ALK: variants seen among roughly 807,000 people sequenced by gnomAD.
ALK encodes ALK tyrosine kinase receptor.
ALK carries 74 observed loss-of-function variants against 163.1 expected under a neutral mutation model. The ratio of observed to expected loss-of-function variants is 0.45; its 90% confidence interval spans 0.38 to 0.55. The LOEUF is 0.55. Ranked by LOEUF, ALK falls within the 20% of genes least tolerant of loss-of-function variation. The pLI, the probability that ALK is intolerant of heterozygous loss-of-function variation, is 0.00. For synonymous variants in ALK, 960 were observed against 843.2 expected, an observed-to-expected ratio of 1.14 and a Z score of -2.40; for missense variants, 2,063 against 2,105.3, an observed-to-expected ratio of 0.98 and a Z score of 0.39.
chr2:29,223,967 G>A, intron 19 of ALK: 2 of 315,642 alleles, frequency 6.3e-6, no homozygotes, highest in Non-Finnish European at 1.2e-5. Context: ...AAGGTTGGGT[G>A]GAAGCACCCT....
intron 1 of ALK, among the ~76,000 whole-genome samples, chr2:29,782,699 C>T (rs1346925338): frequency 1.3e-5 from 2 of 152,172 alleles, no homozygotes; most frequent in African/African-American, 4.8e-5. Flanking sequence ...CAAGCAGTAA[C>T]CATTTCGAGC....
At chr2:29,758,234 ACTC>A (rs1214216169) in intron 1 of ALK, among the ~76,000 whole-genome samples, 2 of 150,900 alleles carry the variant, frequency 1.3e-5, no homozygotes, top group African/African-American at 4.9e-5. Flanking sequence ...CTGGTCTCAA[ACTC>A]CTCCTCAAGT....
In ALK at chr2:29,717,571, T is replaced by C. The variant is rs1679298159; in HGVS notation, c.787+7A>G. On this transcript the variant is annotated splice_region_variant and intron_variant, in intron 2 of 28. Coordinates refer to ENST00000389048, the MANE Select transcript of ALK (RefSeq NM_004304.5). ...GTATCTCAAGTAAATATTAAACATA[T>C]ACTTACCATATCGGCTGCGATGAGA... 2 of 1,613,982 alleles carry C rather than the reference T, an allele frequency of 1.2e-6. No homozygotes were observed. Among genetic ancestry groups the C allele is most frequent in the African/African-American group, 2.7e-5 (2 of 75,024 alleles).
chr2:29,221,866 C>G (rs1167162150), intron 22 of ALK, among the ~76,000 whole-genome samples: 2 of 152,226 alleles, frequency 1.3e-5, no homozygotes, highest in Non-Finnish European at 1.5e-5. Flanking sequence ...CACTGAGACT[C>G]TCAGCTTAAA....
intron 22 of ALK, 138 bp downstream of exon 22, chr2:29,222,206 G>T: frequency 1.3e-6 from 1 of 784,038 alleles, no homozygotes; most frequent in South Asian, 1.5e-5. Context: ...TAGAATGTTT[G>T]GGAGTCTCCT....
At chr2:29,813,797 A>G (rs1664819673) in intron 1 of ALK, among the ~76,000 whole-genome samples, 1 of 152,306 alleles carries the variant, frequency 6.6e-6, no homozygotes, top group African/African-American at 2.4e-5. Flanking sequence ...TTGTGTGGCA[A>G]ATAGCATCTA....
chr2:29,452,333 T>G (rs201670382), intron 4 of ALK, among the ~76,000 whole-genome samples: 129 of 16,218 alleles, frequency 8.0e-3, no homozygotes, highest in African/African-American at 0.054. Flanking sequence ...GTTTTTTTTG[T>G]TTTTTTTTTT....
At chr2:29,337,607 A>G (rs544055610) in intron 5 of ALK, among the ~76,000 whole-genome samples, 2 of 152,276 alleles carry the variant, frequency 1.3e-5, no homozygotes, top group South Asian at 4.1e-4. Flanking sequence ...CAGGTGCCAC[A>G]GGCTCTCTGG....
intron 1 of ALK, among the ~76,000 whole-genome samples, chr2:29,817,219 T>G (rs1664922789): frequency 1.4e-5 from 2 of 145,122 alleles, no homozygotes; most frequent in Admixed American, 6.9e-5. Flanking sequence ...AGCGGTGGGG[T>G]GTGGGGGATG....
intron 5 of ALK, among the ~76,000 whole-genome samples, chr2:29,355,803 T>C (rs1197401607): frequency 2.0e-5 from 3 of 152,124 alleles, no homozygotes; most frequent in Admixed American, 1.3e-4. Flanking sequence ...CAAACATTGG[T>C]GGGGAGCTTA....
At chr2:29,473,918 A>T (rs1671434129) in intron 4 of ALK, among the ~76,000 whole-genome samples, 1 of 152,148 alleles carries the variant, frequency 6.6e-6, no homozygotes, top group South Asian at 2.1e-4. Context: ...CAAACAAACG[A>T]ACAAAAAATG....
At chr2:29,474,979 A>C (rs4666221) in intron 4 of ALK, among the ~76,000 whole-genome samples, 76,594 of 151,920 alleles carry the variant, frequency 0.5, 20,410 homozygotes, top group South Asian at 0.61. Context: ...TGAAGAGAGG[A>C]GTTAGGGAAC....
chr2:29,585,657 T>A (rs944732713), intron 3 of ALK, among the ~76,000 whole-genome samples: 8 of 152,162 alleles, frequency 5.3e-5, no homozygotes, highest in Admixed American at 2.0e-4. Flanking sequence ...ATTAAAATAA[T>A]ATACCATATA....
At chr2:29,310,953 C>T (rs1342354114) in intron 8 of ALK, among the ~76,000 whole-genome samples, 1 of 152,226 alleles carries the variant, frequency 6.6e-6, no homozygotes, top group Non-Finnish European at 1.5e-5. Flanking sequence ...GCCCAAATCT[C>T]TTACTCATGT....
intron 1 of ALK, among the ~76,000 whole-genome samples, chr2:29,736,652 C>G (rs1316001638): frequency 6.6e-6 from 1 of 152,062 alleles, no homozygotes; most frequent in Non-Finnish European, 1.5e-5. Flanking sequence ...ACCCCAGTAT[C>G]TAGCAGAGTG....
chr2:29,570,729 G>C (rs777167079), intron 3 of ALK, among the ~76,000 whole-genome samples: 7 of 152,188 alleles, frequency 4.6e-5, no homozygotes, highest in Non-Finnish European at 8.8e-5. Context: ...AAGCTGGCTG[G>C]TCAGGAGTGA....
chr2:29,623,611 C>A (rs1206751664), intron 3 of ALK, among the ~76,000 whole-genome samples: 1 of 152,184 alleles, frequency 6.6e-6, no homozygotes, highest in African/African-American at 2.4e-5. Context: ...TTTCCCTAAA[C>A]TGCACAGCTG....
At chr2:29,384,140 C>T (rs1293415318) in intron 4 of ALK, among the ~76,000 whole-genome samples, 8 of 152,160 alleles carry the variant, frequency 5.3e-5, no homozygotes, top group Admixed American at 5.2e-4. Flanking sequence ...AAATGCAGCT[C>T]TTTGGACTAT....
intron 5 of ALK, among the ~76,000 whole-genome samples, chr2:29,352,891 C>A (rs937835770): frequency 1.8e-4 from 27 of 152,346 alleles, no homozygotes; most frequent in African/African-American, 5.0e-4. Context: ...TTCTAACCTA[C>A]AAGCTGTCAT....
Sources: allele counts gnomAD v4.1 joint callset (sites outside exome capture counted in the v4.1 genomes callset), GRCh38; gene constraint gnomAD v4.1.1; transcripts MANE v1.5; gene names NCBI Gene and HGNC (gene_info 2026-07-23, HGNC 2026-07-21).